The following QTMAN variants were observed in gnomAD, a reference collection of about 807,000 sequenced individuals.
QTMAN encodes tRNA-queuosine alpha-mannosyltransferase.
At chr2:144,245,838 G>C in the QTMAN span, among the ~76,000 whole-genome samples, 2 of 152,072 alleles carry the variant, frequency 1.3e-5, no homozygotes, top group Non-Finnish European at 2.9e-5. Flanking sequence ...TAGACTCATG[G>C]GAATAATCGG....
At chr2:144,134,700 A>T in the QTMAN span, among the ~76,000 whole-genome samples, 103 of 152,276 alleles carry the variant, frequency 6.8e-4, no homozygotes, top group South Asian at 4.6e-3. Flanking sequence ...CTCTGTGACA[A>T]CTAAGTTGGA....
At chr2:144,119,271 C>T in the QTMAN span, among the ~76,000 whole-genome samples, 6 of 152,196 alleles carry the variant, frequency 3.9e-5, no homozygotes, top group Non-Finnish European at 7.3e-5. Flanking sequence ...TGATTTCTAA[C>T]TTTGCACTAA....
chr2:144,176,259 C>T, the QTMAN span, among the ~76,000 whole-genome samples: 13 of 152,058 alleles, frequency 8.5e-5, no homozygotes, highest in East Asian at 2.1e-3. Flanking sequence ...AAGAGAAAAA[C>T]AATCACATGA....
the QTMAN span, among the ~76,000 whole-genome samples, chr2:144,118,006 C>T: frequency 5.3e-5 from 8 of 151,960 alleles, no homozygotes; most frequent in Admixed American, 2.6e-4. Flanking sequence ...CCACCACGCC[C>T]GGCTAATTTT....
chr2:144,299,280 C>T, the QTMAN span, among the ~76,000 whole-genome samples: 2 of 151,550 alleles, frequency 1.3e-5, no homozygotes, highest in African/African-American at 2.4e-5. Context: ...ACAAAATCTT[C>T]CCCCCCAACA....
chr2:144,197,026 T>C, the QTMAN span, among the ~76,000 whole-genome samples: 1 of 152,148 alleles, frequency 6.6e-6, no homozygotes, highest in Non-Finnish European at 1.5e-5. Context: ...TGTGTGAGCA[T>C]CACAGAGTGT....
chr2:144,307,583 A>G, the QTMAN span, among the ~76,000 whole-genome samples: 1 of 152,258 alleles, frequency 6.6e-6, no homozygotes, highest in African/African-American at 2.4e-5. Context: ...ACAAGATCAT[A>G]TATAGAGAGC....
chr2:144,054,949 T>A, the QTMAN span, among the ~76,000 whole-genome samples: 1 of 152,202 alleles, frequency 6.6e-6, no homozygotes, highest in Non-Finnish European at 1.5e-5. Flanking sequence ...TTTTATAATA[T>A]GTATCTGACT....
the QTMAN span, among the ~76,000 whole-genome samples, chr2:144,271,568 C>T: frequency 6.6e-6 from 1 of 152,168 alleles, no homozygotes; most frequent in African/African-American, 2.4e-5. Context: ...GAGAAATCAC[C>T]TGTGAAATTC....
At chr2:144,178,087 G>A in the QTMAN span, among the ~76,000 whole-genome samples, 6,838 of 152,160 alleles carry the variant, frequency 0.045, 517 homozygotes, top group African/African-American at 0.16. Flanking sequence ...TCCAGTGCTC[G>A]TACAGTTCCT....
At chr2:143,968,172 A>G in the QTMAN span, among the ~76,000 whole-genome samples, 1 of 152,140 alleles carries the variant, frequency 6.6e-6, no homozygotes, top group Non-Finnish European at 1.5e-5. Context: ...GACTCAATTC[A>G]CATTTGAAAT....
chr2:144,231,082 C>T, the QTMAN span, among the ~76,000 whole-genome samples: 3 of 151,992 alleles, frequency 2.0e-5, no homozygotes, highest in South Asian at 2.1e-4. Flanking sequence ...GAAATTAAAA[C>T]GTATCAAAAA....
At chr2:144,283,261 T>C in the QTMAN span, among the ~76,000 whole-genome samples, 2 of 152,170 alleles carry the variant, frequency 1.3e-5, no homozygotes, top group Non-Finnish European at 2.9e-5. Flanking sequence ...GCTCTTAACC[T>C]GCAGGATCTG....
At chr2:144,058,064 A>G in the QTMAN span, among the ~76,000 whole-genome samples, 3 of 151,878 alleles carry the variant, frequency 2.0e-5, no homozygotes, top group South Asian at 4.2e-4. Flanking sequence ...GAAGATTGCA[A>G]AAAGTCTGCA....
chr2:144,290,254 T>C, the QTMAN span, among the ~76,000 whole-genome samples: 175 of 152,328 alleles, frequency 1.1e-3, 1 homozygote, highest in African/African-American at 4.1e-3. Context: ...TCAAACTCTG[T>C]TATATTCCAG....
At chr2:144,240,762 A>C in the QTMAN span, among the ~76,000 whole-genome samples, 1 of 152,246 alleles carries the variant, frequency 6.6e-6, no homozygotes, top group Non-Finnish European at 1.5e-5. Context: ...AAAACAGTAA[A>C]AGGATTCTAG....
At chr2:144,106,830 T>C in the QTMAN span, among the ~76,000 whole-genome samples, 16 of 152,314 alleles carry the variant, frequency 1.1e-4, no homozygotes, top group Admixed American at 3.3e-4. Flanking sequence ...ATCACACTTA[T>C]TCCAAAATTG....
chr2:144,108,225 A>C, the QTMAN span, among the ~76,000 whole-genome samples: 1 of 152,214 alleles, frequency 6.6e-6, no homozygotes, highest in African/African-American at 2.4e-5. Context: ...CACCACTCCT[A>C]TTCAACATAG....
At chr2:144,167,479 C>T in the QTMAN span, among the ~76,000 whole-genome samples, 3 of 152,270 alleles carry the variant, frequency 2.0e-5, no homozygotes, top group South Asian at 6.2e-4. Context: ...TTGTAATCTT[C>T]ATAATCCCCA....
Sources: gnomAD v4.1 joint callset for allele counts (sites outside exome capture counted in the v4.1 genomes callset) on GRCh38, gnomAD v4.1.1 for gene constraint, MANE v1.5 for transcripts, NCBI Gene and HGNC (gene_info 2026-07-23, HGNC 2026-07-21) for gene names.